The following KIF25 variants were observed in gnomAD, a reference collection of about 807,000 sequenced individuals.
KIF25 encodes the protein kinesin family member 25, also known as kinesin-like protein KIF25.
In KIF25, 19 loss-of-function variants were observed where a neutral mutation model predicts 32.9. That is an observed-to-expected ratio of 0.58 (90% confidence interval 0.40 to 0.85). KIF25 has a LOEUF of 0.85. Among genes scored for constraint, KIF25 ranks in the 40% least tolerant of loss-of-function variants. The pLI is 0.00. For missense variants in KIF25, 485 were observed against 507.0 expected, an observed-to-expected ratio of 0.96 and a Z score of 0.42; for synonymous variants, 225 against 213.7, an observed-to-expected ratio of 1.05 and a Z score of -0.46.
intron 4 of KIF25, among the ~76,000 whole-genome samples, chr6:168,012,929 G>A (rs1263633612): frequency 2.6e-5 from 4 of 151,024 alleles, no homozygotes; most frequent in Non-Finnish European, 5.9e-5. Flanking sequence ...TGGAGTACAG[G>A]TTTCAGGCTG....
intron 2 of KIF25, among the ~76,000 whole-genome samples, chr6:168,000,835 G>A (rs1399379463): frequency 6.6e-6 from 1 of 152,176 alleles, no homozygotes; most frequent in East Asian, 1.9e-4. Context: ...TGTTTTTCTG[G>A]TCTTGGTTTC....
intron 4 of KIF25, among the ~76,000 whole-genome samples, chr6:168,004,081 T>G (rs1798541471): frequency 6.6e-6 from 1 of 152,238 alleles, no homozygotes; most frequent in Non-Finnish European, 1.5e-5. Context: ...GAAAGCCTCC[T>G]TGCTTTTTAG....
At chr6:168,036,302 G>C (rs144228235) in intron 8 of KIF25, among the ~76,000 whole-genome samples, 90 of 152,296 alleles carry the variant, frequency 5.9e-4, no homozygotes, top group African/African-American at 2.2e-3. Context: ...ATCCAAAAGT[G>C]CATGTGATCA....
At position 168,044,933 on chromosome 6, in the gene KIF25, G is replaced by C; in HGVS notation, c.1092G>C (p.Gln364His). 1 of 1,612,250 alleles carries C rather than the reference G, an allele frequency of 6.2e-7. No homozygotes were observed. Among genetic ancestry groups the C allele is most frequent in the Non-Finnish European group, 8.5e-7 (1 of 1,178,592 alleles). The change falls in exon 13 of 13, where the codon CAG (glutamine) becomes CAC (histidine). Residue 364 changes from glutamine to histidine, a missense_variant. This residue lies in a region of KIF25 where 480 missense variants were observed against 470.3 expected (regional missense o/e 1.02). Transcript: ENST00000643607. ...LGFGIRARQVQRGPARKKPPS... is the reference protein window; with the variant it reads ...LGFGIRARQVHRGPARKKPPS... ...TCGGGATCCGAGCTCGGCAAGTCCA[G>C]CGAGGCCCTGCCCGAAAGAAGCCGC...
intron 2 of KIF25, among the ~76,000 whole-genome samples, chr6:168,002,237 GA>G (rs1409570561): frequency 1.1e-5 from 1 of 87,284 alleles, no homozygotes; most frequent in African/African-American, 4.8e-5. Context: ...GGGCAGGTGA[GA>G]AAGACACCTG....
In KIF25 at chr6:167,998,665, G is replaced by A. The variant is rs1798455368; in HGVS notation, c.-804G>A. 1 of 152,180 alleles carries A rather than the reference G, an allele frequency of 6.6e-6. No homozygotes were observed. The highest frequency in any genetic ancestry group is 6.5e-5 in the Admixed American group (1 of 15,282). The allele number at this position is 152,180 out of a possible 1,614,324, so 9.4% of individuals were successfully genotyped here. A position where few individuals can be genotyped will look rare whatever the true frequency, so the allele number is the denominator to read the frequency against. ...ATGCCTAAAATGTCGAGCCCAGGAT[G>A]CCATTCAAAGGGATTTTCCTTGGTA... On this transcript the variant is annotated 5_prime_UTR_variant, in exon 1 of 13. An upstream start codon of the reference 5' UTR is lost. Transcript: ENST00000643607.
intron 4 of KIF25, among the ~76,000 whole-genome samples, chr6:168,013,681 C>T (rs1442809005): frequency 6.7e-6 from 1 of 148,294 alleles, no homozygotes; most frequent in African/African-American, 2.6e-5. Flanking sequence ...TAGGTGTTTT[C>T]TGTGGGGGCT....
At chr6:168,038,424 T>C (rs916742812) in intron 8 of KIF25, 129 bp from the exon 9 acceptor site, 5 of 835,748 alleles carry the variant, frequency 6.0e-6, no homozygotes, top group Middle Eastern at 2.5e-4. Flanking sequence ...GTATGTAACA[T>C]GCAGCCCTCT....
chr6:168,019,930 C>T (rs952551113), intron 5 of KIF25, among the ~76,000 whole-genome samples: 1 of 152,066 alleles, frequency 6.6e-6, no homozygotes, highest in Non-Finnish European at 1.5e-5. Context: ...GTCAAGAGAT[C>T]GAGACCATCC....
rs145438481 is a variant in KIF25 at position 168,014,032 on chromosome 6, T to C, written c.-162-3941T>C. On this transcript the variant is annotated intron_variant, in intron 4 of 12. Transcript: ENST00000643607. ...ATATATATATATTTATCTCACTTGA[T>C]GCCTTAAGCACCAGTATTCTTGAGT... Among the ~76,000 whole-genome samples the C allele has an allele frequency of 4.3e-3, 660 of 152,096 alleles. 12 individuals carry two copies. Among genetic ancestry groups the C allele is most frequent in the African/African-American group, 0.015 (627 of 41,510 alleles).
intron 4 of KIF25, among the ~76,000 whole-genome samples, chr6:168,005,154 C>G (rs1008103755): frequency 6.6e-6 from 1 of 152,080 alleles, no homozygotes; most frequent in Non-Finnish European, 1.5e-5. Flanking sequence ...CTGGCATGCA[C>G]GAGCTGACTG....
chr6:168,001,465 T>C (rs1346206425), intron 2 of KIF25, among the ~76,000 whole-genome samples: 1 of 152,222 alleles, frequency 6.6e-6, no homozygotes, highest in African/African-American at 2.4e-5. Flanking sequence ...CCTCCCACCA[T>C]AAGAGGCACA....
intron 5 of KIF25, among the ~76,000 whole-genome samples, chr6:168,020,993 A>C (rs78484265): frequency 0.13 from 20,529 of 152,246 alleles, 1,966 homozygotes; most frequent in East Asian, 0.42. Flanking sequence ...GATAAAATTT[A>C]TATGGAAAGG....
In KIF25 at chr6:168,040,131, C is replaced by A. The variant is rs1351729719; in HGVS notation, c.561C>A (p.His187Gln). Residue 187 changes from histidine to glutamine, a missense_variant, in exon 10 of 13, where the codon CAC (histidine) becomes CAA (glutamine). Coordinates refer to ENST00000643607, the MANE Select transcript of KIF25 (RefSeq NM_030615.4). The part of the protein sequence containing the change: ...VHGGLQLRAK[H>Q]PTLVHADSSR... ...GAGGTCTGCAGCTCAGGGCGAAGCA[C>A]CCCACCCTGGTGCACGCGGATTCCT... 3 of 1,613,982 alleles carry A rather than the reference C, an allele frequency of 1.9e-6. No individual in the cohort carries two copies. Among genetic ancestry groups the A allele is most frequent in the East Asian group, 4.5e-5 (2 of 44,904 alleles).
At chr6:168,042,776 C>A in intron 12 of KIF25, 60 bp downstream of exon 12, 1 of 1,553,088 alleles carries the variant, frequency 6.4e-7, no homozygotes, top group Non-Finnish European at 8.7e-7. Context: ...GACATGTGCA[C>A]ACACTTCTGG....
At chr6:168,014,818 T>C (rs1422577806) in intron 4 of KIF25, among the ~76,000 whole-genome samples, 2 of 152,258 alleles carry the variant, frequency 1.3e-5, no homozygotes, top group Admixed American at 1.3e-4. Context: ...ACTCTGTTGA[T>C]AATCAGACAT....
At chr6:168,044,752 C>T in intron 12 of KIF25, 75 bp from the exon 13 acceptor site, 2 of 1,438,598 alleles carry the variant, frequency 1.4e-6, no homozygotes, top group Non-Finnish European at 1.9e-6. Context: ...CATCTCGGGC[C>T]CTGGTTGCTG....
At chr6:168,016,943 GA>G (rs1798723016) in intron 4 of KIF25, among the ~76,000 whole-genome samples, 1 of 152,244 alleles carries the variant, frequency 6.6e-6, no homozygotes, top group South Asian at 2.1e-4. Flanking sequence ...CTGCCCCACT[GA>G]GAGACACGCC....
chr6:168,008,776 G>C (rs754384580), intron 4 of KIF25, among the ~76,000 whole-genome samples: 7 of 151,926 alleles, frequency 4.6e-5, no homozygotes, highest in Non-Finnish European at 5.9e-5. Context: ...TACCCTTTTA[G>C]AGGTTTCTCA....
Sources: allele counts gnomAD v4.1 joint callset (sites outside exome capture counted in the v4.1 genomes callset), GRCh38; gene constraint gnomAD v4.1.1; regional missense constraint gnomAD v4.1.1; transcripts MANE v1.5; gene names NCBI Gene and HGNC (gene_info 2026-07-23, HGNC 2026-07-21).